RGS8: variants seen among roughly 807,000 people sequenced by gnomAD.
RGS8 encodes regulator of G-protein signaling 8.
In RGS8, 8 loss-of-function variants were observed where a neutral mutation model predicts 21.7. That is an observed-to-expected ratio of 0.37 (90% CI 0.22 to 0.66). The LOEUF is 0.66. RGS8 is among the 30% of genes least tolerant of loss of function. The pLI, the probability that RGS8 is intolerant of heterozygous loss-of-function variation, is 0.59. For missense variants in RGS8, 157 were observed against 217.9 expected (o/e 0.72, Z 1.76); for synonymous variants, 80 against 83.6 (o/e 0.96, Z 0.24).
the RGS8 span, among the ~76,000 whole-genome samples, chr1:182,712,349 A>T: frequency 2.0e-5 from 3 of 152,180 alleles, no homozygotes; most frequent in Non-Finnish European, 4.4e-5. Flanking sequence ...ATTTGACCTG[A>T]TTACTCAGGT....
chr1:182,721,259 C>A, the RGS8 span, among the ~76,000 whole-genome samples: 1 of 151,708 alleles, frequency 6.6e-6, no homozygotes, highest in Admixed American at 6.6e-5. Flanking sequence ...AATTGGGATG[C>A]CACAGTGAAA....
chr1:182,707,127 C>A, the RGS8 span, among the ~76,000 whole-genome samples: 2 of 152,088 alleles, frequency 1.3e-5, no homozygotes, highest in Non-Finnish European at 2.9e-5. Flanking sequence ...CACTGCACTC[C>A]AGACTGGGCA....
chr1:182,643,160 A>G (rs1339760377), downstream of RGS8: 1 of 152,244 alleles, frequency 6.6e-6, no homozygotes, highest in Non-Finnish European at 1.5e-5. Context: ...AGCTTGGGCC[A>G]AAACACCTTT....
At chr1:182,650,928 A>G (rs907393484) in intron 5 of RGS8, among the ~76,000 whole-genome samples, 19 of 152,210 alleles carry the variant, frequency 1.2e-4, no homozygotes. Flanking sequence ...AAGCATAGAG[A>G]AAGTAGAATA....
the RGS8 span, among the ~76,000 whole-genome samples, chr1:182,706,998 A>G: frequency 6.6e-6 from 1 of 151,802 alleles, no homozygotes; most frequent in Non-Finnish European, 1.5e-5. Flanking sequence ...TCTCTACTAA[A>G]AATACAAAAA....
chr1:182,688,357 G>GCTCT (rs57313959), upstream of RGS8, among the ~76,000 whole-genome samples: 698 of 147,366 alleles, frequency 4.7e-3, 7 homozygotes, highest in South Asian at 0.023. Context: ...TCTCTCGCTC[G>GCTCT]CTCTCTCTCT....
the RGS8 span, among the ~76,000 whole-genome samples, chr1:182,713,301 A>G: frequency 6.6e-6 from 1 of 152,074 alleles, no homozygotes; most frequent in African/African-American, 2.4e-5. Flanking sequence ...CTCCTGCCTC[A>G]GCCTCCCAAG....
chr1:182,699,438 C>A, the RGS8 span, among the ~76,000 whole-genome samples: 1 of 152,214 alleles, frequency 6.6e-6, no homozygotes, highest in Non-Finnish European at 1.5e-5. Context: ...TGGGCCCAGG[C>A]CTCAGTGGCA....
chr1:182,652,671 G>A lies in RGS8; in HGVS notation c.194-4368C>T, dbSNP rs143941727. 3.8e-3 allele frequency among the ~76,000 whole-genome samples: 574 copies of A among 152,276 alleles called. 3 individuals carry two copies. Among genetic ancestry groups the A allele is most frequent in the African/African-American group, 0.012 (482 of 41,546 alleles). On this transcript the variant is annotated intron_variant, in intron 5 of 6. Transcript: ENST00000483095. ...TAATCGTGACTTCACAGAACATGCC[G>A]TCAAGGGGAAGTTTGAGCCAAGAAA...
chr1:182,714,789 C>T, the RGS8 span, among the ~76,000 whole-genome samples: 4 of 152,058 alleles, frequency 2.6e-5, no homozygotes, highest in Non-Finnish European at 4.4e-5. Flanking sequence ...ATAACTGAAA[C>T]GTAAAAACAT....
chr1:182,655,305 A>G (rs1163474538), intron 5 of RGS8, among the ~76,000 whole-genome samples: 2 of 152,238 alleles, frequency 1.3e-5, no homozygotes, highest in South Asian at 4.1e-4. Context: ...CTGTAGGGCA[A>G]GACAAGGAGG....
chr1:182,659,092 G>A (rs1663444937), intron 5 of RGS8, among the ~76,000 whole-genome samples: 1 of 152,186 alleles, frequency 6.6e-6, no homozygotes, highest in South Asian at 2.1e-4. Context: ...GAAAGGACAT[G>A]AGAGAGCCTA....
chr1:182,703,692 T>C, the RGS8 span, among the ~76,000 whole-genome samples: 2 of 152,236 alleles, frequency 1.3e-5, no homozygotes, highest in African/African-American at 4.8e-5. Flanking sequence ...TTGAAAGTCA[T>C]TTAAATTTGC....
chr1:182,691,599 C>T, the RGS8 span, among the ~76,000 whole-genome samples: 1 of 134,792 alleles, frequency 7.4e-6, no homozygotes, highest in Non-Finnish European at 1.6e-5. Context: ...TTCAACATCC[C>T]TTCATGTTAA....
upstream of RGS8, among the ~76,000 whole-genome samples, chr1:182,677,592 G>A (rs1664405991): frequency 6.6e-6 from 1 of 152,186 alleles, no homozygotes. Flanking sequence ...TAGCACATCT[G>A]TAATGATTCT....
upstream of RGS8, among the ~76,000 whole-genome samples, chr1:182,686,901 T>C (rs1664724732): frequency 6.6e-6 from 1 of 151,908 alleles, no homozygotes; most frequent in South Asian, 2.1e-4. Context: ...AGAAAAATCA[T>C]CTGAGAGAAA....
the RGS8 span, among the ~76,000 whole-genome samples, chr1:182,718,948 TGTC>T: frequency 8.6e-4 from 131 of 152,302 alleles, no homozygotes; most frequent in African/African-American, 2.3e-3. Flanking sequence ...TTAATGGAAA[TGTC>T]GAAGGGATTC....
At chr1:182,706,167 T>A in the RGS8 span, among the ~76,000 whole-genome samples, 1 of 151,892 alleles carries the variant, frequency 6.6e-6, no homozygotes, top group Non-Finnish European at 1.5e-5. Flanking sequence ...ATTTTTTTTG[T>A]AGAGATGGGT....
chr1:182,651,997 C>T (rs1255333896), intron 5 of RGS8, among the ~76,000 whole-genome samples: 1 of 152,186 alleles, frequency 6.6e-6, no homozygotes, highest in African/African-American at 2.4e-5. Context: ...CCAGAGGTTC[C>T]CTCTCTGCCT....
Sources: gnomAD v4.1 joint callset for allele counts (sites outside exome capture counted in the v4.1 genomes callset) on GRCh38, gnomAD v4.1.1 for gene constraint, MANE v1.5 for transcripts, NCBI Gene and HGNC (gene_info 2026-07-23, HGNC 2026-07-21) for gene names.